FBRSL1: variants seen among roughly 807,000 people sequenced by gnomAD.
FBRSL1 encodes fibrosin like 1.
In FBRSL1, 51 loss-of-function variants were observed where a neutral mutation model predicts 89.6. That is an observed-to-expected ratio of 0.57 (90% CI 0.45 to 0.72). The LOEUF is 0.72. FBRSL1 is among the 30% of genes least tolerant of loss of function. FBRSL1 has a pLI of 0.00. For synonymous variants in FBRSL1, 779 were observed against 681.1 expected, an observed-to-expected ratio of 1.14 and a Z score of -2.24; for missense variants, 1,618 against 1,451.8, an observed-to-expected ratio of 1.11 and a Z score of -1.86.
chr12:132,490,879 G>T lies in FBRSL1; in HGVS notation c.291+18G>T. 7.3e-7 allele frequency: 1 copy of T among 1,368,332 alleles called. No homozygotes were observed. The allele number at this position is 1,368,332 out of a possible 1,614,324, so 84.8% of individuals were successfully genotyped here. A position where few individuals can be genotyped will look rare whatever the true frequency, so the allele number is the denominator to read the frequency against. The stretch of plus-strand genomic sequence containing the variant: ...CCCTGGAGGTAGGTGGACGGGTGCG[G>T]CTTCGCAGGCGTTGAGGCGAGAACG... On this transcript the variant is annotated intron_variant, in intron 1 of 18. Coordinates refer to ENST00000680143, the MANE Select transcript of FBRSL1 (RefSeq NM_001367871.1).
At chr12:132,498,392 C>G (rs1233973914) in intron 1 of FBRSL1, among the ~76,000 whole-genome samples, 1 of 152,200 alleles carries the variant, frequency 6.6e-6, no homozygotes, top group Non-Finnish European at 1.5e-5. Flanking sequence ...CTGGCCAATC[C>G]CGGCTGGAGG....
chr12:132,506,029 TCTC>T (rs2033645279), intron 1 of FBRSL1, among the ~76,000 whole-genome samples: 1 of 152,188 alleles, frequency 6.6e-6, no homozygotes, highest in African/African-American at 2.4e-5. Flanking sequence ...GTCGGAGGCC[TCTC>T]CTCCTCGGTG....
chr12:132,503,026 A>G (rs571581112), intron 1 of FBRSL1, among the ~76,000 whole-genome samples: 77 of 151,766 alleles, frequency 5.1e-4, no homozygotes, highest in South Asian at 3.1e-3. Flanking sequence ...CCCGGCCCGC[A>G]CAGGGCCAGG....
intron 3 of FBRSL1, 106 bp from the exon 4 acceptor site, chr12:132,527,847 C>T (rs1247491399): frequency 8.5e-6 from 9 of 1,063,992 alleles, no homozygotes; most frequent in East Asian, 7.8e-5. Context: ...TGCAGGGCTG[C>T]GGGGCAGGGC....
intron 2 of FBRSL1, among the ~76,000 whole-genome samples, chr12:132,520,792 G>T (rs985679582): frequency 2.6e-5 from 4 of 152,232 alleles, no homozygotes; most frequent in Non-Finnish European, 4.4e-5. Flanking sequence ...GGGACACTGT[G>T]AGGGCTCTGG....
At chr12:132,508,470 A>T in intron 2 of FBRSL1, 120 bp downstream of exon 2, 1 of 1,180,900 alleles carries the variant, frequency 8.5e-7, no homozygotes, top group East Asian at 2.7e-5. Context: ...CAGCGCGCCC[A>T]TCGTTGTCAG....
intron 1 of FBRSL1, among the ~76,000 whole-genome samples, chr12:132,492,530 C>T (rs921124161): frequency 2.0e-5 from 3 of 152,206 alleles, no homozygotes; most frequent in Admixed American, 1.3e-4. Flanking sequence ...GCCCCAGATG[C>T]GTGTGTCAGG....
intron 1 of FBRSL1, among the ~76,000 whole-genome samples, chr12:132,502,222 C>T (rs953782981): frequency 2.6e-5 from 4 of 152,300 alleles, no homozygotes; most frequent in East Asian, 3.9e-4. Flanking sequence ...TGGTGTGGTC[C>T]GTCCTTCTGG....
At chr12:132,505,521 G>A (rs945708530) in intron 1 of FBRSL1, among the ~76,000 whole-genome samples, 7 of 152,228 alleles carry the variant, frequency 4.6e-5, no homozygotes, top group Non-Finnish European at 1.0e-4. Context: ...CAGGAGCGGG[G>A]GTGACCACGC....
chr12:132,519,317 T>A (rs540743442), intron 2 of FBRSL1, among the ~76,000 whole-genome samples: 1 of 152,152 alleles, frequency 6.6e-6, no homozygotes, highest in Admixed American at 6.5e-5. Flanking sequence ...GGTTGGCATG[T>A]GGAGTGAATG....
At chr12:132,567,646 A>C in intron 6 of FBRSL1, 120 bp downstream of exon 6, 1 of 1,055,498 alleles carries the variant, frequency 9.5e-7, no homozygotes, top group South Asian at 1.5e-5. Context: ...CCTGGGGTGC[A>C]GAGCTGGGTG....
Position 132,510,610 on chromosome 12 carries a change from A to G in FBRSL1, c.489+2260A>G, listed in dbSNP as rs948377225. On this transcript the variant is annotated intron_variant, in intron 2 of 18. Transcript: ENST00000680143. ...ACAGGGCTGAGCTGTTTGTCGTTGG[A>G]AATTGAGGCTCGGCCAGAGGCGGGA... 7.3e-6 allele frequency: 9 copies of G among 1,230,566 alleles called. No individual in the cohort carries two copies. The African/African-American group carries it at 1.4e-4, about 19-fold the overall frequency. 76.2% of individuals were successfully genotyped at this position (1,230,566 alleles called of 1,614,324 possible). A position where few individuals can be genotyped will look rare whatever the true frequency, so the allele number is the denominator to read the frequency against.
chr12:132,496,083 G>A (rs951448230), intron 1 of FBRSL1, among the ~76,000 whole-genome samples: 8 of 152,214 alleles, frequency 5.3e-5, no homozygotes, highest in African/African-American at 9.7e-5. Flanking sequence ...GCTACGCCGC[G>A]TGCCTGCACC....
At chr12:132,505,407 C>T (rs1593263087) in intron 1 of FBRSL1, among the ~76,000 whole-genome samples, 2 of 152,184 alleles carry the variant, frequency 1.3e-5, no homozygotes, top group Admixed American at 6.5e-5. Flanking sequence ...GCCCAGGGCA[C>T]GCACTGTCCC....
chr12:132,577,482 G>C (rs1415523111), intron 15 of FBRSL1, among the ~76,000 whole-genome samples: 1 of 152,174 alleles, frequency 6.6e-6, no homozygotes, highest in African/African-American at 2.4e-5. Flanking sequence ...GGTTGCTCCC[G>C]GGGTCCCAGG....
In FBRSL1 at chr12:132,582,235, G is replaced by C; in HGVS notation, c.2170G>C (p.Glu724Gln). Residue 724 changes from glutamate to glutamine, a missense_variant, in exon 18 of 19, where the codon GAG (glutamate) becomes CAG (glutamine). Transcript: ENST00000680143. ...RVSALTNHDR[E>Q]PDNGKEEQER... ...GTCAGCCCTGACCAACCATGACCGA[G>C]AGCCGGACAATGGCAAGGAGGAGCA... is the stretch of plus-strand genomic sequence containing the variant. 1.9e-6 allele frequency: 3 copies of C among 1,550,172 alleles called. No individual in the cohort carries two copies. The highest frequency in any genetic ancestry group is 2.6e-6 in the Non-Finnish European group (3 of 1,146,848).
At chr12:132,582,010 T>G in intron 17 of FBRSL1, 52 bp from the exon 18 acceptor site, 1 of 1,450,182 alleles carries the variant, frequency 6.9e-7, no homozygotes, top group Non-Finnish European at 9.3e-7. Flanking sequence ...TCCTGGGGAG[T>G]GGCTGGGGAG....
At chr12:132,578,953 T>G (rs2040563277) in intron 15 of FBRSL1, among the ~76,000 whole-genome samples, 1 of 152,250 alleles carries the variant, frequency 6.6e-6, no homozygotes, top group Non-Finnish European at 1.5e-5. Context: ...TTTCTGGCTG[T>G]CCGCATCCTG....
intron 2 of FBRSL1, among the ~76,000 whole-genome samples, chr12:132,517,386 T>C (rs2034939769): frequency 1.3e-5 from 2 of 152,148 alleles, no homozygotes; most frequent in Admixed American, 6.5e-5. Flanking sequence ...GGGGCGAGCA[T>C]GGCCACCTCT....
Sources: allele counts gnomAD v4.1 joint callset (sites outside exome capture counted in the v4.1 genomes callset), GRCh38; gene constraint gnomAD v4.1.1; transcripts MANE v1.5; gene names NCBI Gene and HGNC (gene_info 2026-07-23, HGNC 2026-07-21).